The following KSR2 variants were observed in gnomAD, a reference collection of about 807,000 sequenced individuals.
KSR2 encodes kinase suppressor of ras 2.
A neutral mutation model predicts 107.8 loss-of-function variants in KSR2; 25 were observed. The observed-to-expected ratio is 0.23, with a 90% CI of 0.17 to 0.32. The LOEUF is 0.32. KSR2 is among the 10% of genes least tolerant of loss of function. KSR2 has a pLI of 1.00. For missense variants in KSR2, 887 were observed against 1,268.9 expected (o/e 0.70, Z 4.57); for synonymous variants, 480 against 507.0 (o/e 0.95, Z 0.71).
At chr12:117,855,383 T>G (rs777946600) in intron 3 of KSR2, 45 bp downstream of exon 3, 1 of 1,612,162 alleles carries the variant, frequency 6.2e-7, no homozygotes, top group African/African-American at 1.3e-5. Flanking sequence ...GCGGCAGCTG[T>G]GCTGGGGACA....
chr12:117,501,005 C>T (rs902831563), intron 14 of KSR2, among the ~76,000 whole-genome samples: 1 of 152,206 alleles, frequency 6.6e-6, no homozygotes, highest in Non-Finnish European at 1.5e-5. Context: ...TAGAATCAGG[C>T]TTCTGAGGTG....
intron 16 of KSR2, among the ~76,000 whole-genome samples, chr12:117,484,051 T>A (rs1872321218): frequency 6.6e-6 from 1 of 152,236 alleles, no homozygotes; most frequent in Non-Finnish European, 1.5e-5. Context: ...TGTACTAAAA[T>A]CACTTAATTC....
chr12:117,794,974 C>T (rs908156507), intron 3 of KSR2, among the ~76,000 whole-genome samples: 2 of 152,184 alleles, frequency 1.3e-5, no homozygotes, highest in African/African-American at 4.8e-5. Context: ...TAATGGTTTT[C>T]CCCAAGCTGC....
intron 1 of KSR2, among the ~76,000 whole-genome samples, chr12:117,863,937 G>A (rs117884002): frequency 6.6e-6 from 1 of 151,898 alleles, no homozygotes; most frequent in East Asian, 1.9e-4. Context: ...AATGATCTGG[G>A]GCCCACCCAG....
intron 3 of KSR2, among the ~76,000 whole-genome samples, chr12:117,779,857 G>C (rs901486065): frequency 3.9e-5 from 6 of 152,034 alleles, no homozygotes; most frequent in Non-Finnish European, 5.9e-5. Context: ...TCTTTATAGT[G>C]GTGTGAAAAC....
At chr12:117,794,675 ACT>A (rs766020695) in intron 3 of KSR2, among the ~76,000 whole-genome samples, 5 of 148,570 alleles carry the variant, frequency 3.4e-5, no homozygotes, top group African/African-American at 7.7e-5. Context: ...ATATGCACAC[ACT>A]CATACCAACA....
intron 1 of KSR2, among the ~76,000 whole-genome samples, chr12:117,903,396 T>A (rs899176530): frequency 6.6e-6 from 1 of 152,238 alleles, no homozygotes; most frequent in African/African-American, 2.4e-5. Flanking sequence ...ATAGAGGATG[T>A]CCACTTAAAT....
intron 4 of KSR2, among the ~76,000 whole-genome samples, chr12:117,749,682 T>C (rs1452644667): frequency 6.6e-6 from 1 of 152,220 alleles, no homozygotes; most frequent in African/African-American, 2.4e-5. Flanking sequence ...TCATTAGTGC[T>C]GTCTGTATAA....
intron 7 of KSR2, among the ~76,000 whole-genome samples, chr12:117,566,575 T>C (rs570367964): frequency 6.6e-6 from 1 of 152,192 alleles, no homozygotes; most frequent in Non-Finnish European, 1.5e-5. Flanking sequence ...CTCGTTCTTT[T>C]GTATGGCTGC....
chr12:117,489,523 G>A (rs1288763581), intron 14 of KSR2, among the ~76,000 whole-genome samples: 1 of 149,104 alleles, frequency 6.7e-6, no homozygotes, highest in African/African-American at 2.5e-5. Flanking sequence ...ATCCAGCCTG[G>A]GTGACACAGA....
chr12:117,738,986 G>A (rs554348885), intron 4 of KSR2, among the ~76,000 whole-genome samples: 1 of 152,274 alleles, frequency 6.6e-6, no homozygotes, highest in South Asian at 2.1e-4. Context: ...TGAATATGAA[G>A]GCCCATGATG....
chr12:117,645,443 C>T (rs952308432), intron 5 of KSR2, among the ~76,000 whole-genome samples: 5 of 152,090 alleles, frequency 3.3e-5, no homozygotes, highest in African/African-American at 1.2e-4. Context: ...GATAACAATC[C>T]CCACTCCTCT....
intron 1 of KSR2, among the ~76,000 whole-genome samples, chr12:117,880,688 T>C (rs1039380763): frequency 6.6e-6 from 1 of 151,476 alleles, no homozygotes; most frequent in African/African-American, 2.4e-5. Context: ...CCTCATATTA[T>C]TTTATGACAG....
intron 1 of KSR2, among the ~76,000 whole-genome samples, chr12:117,880,215 A>T (rs1477951371): frequency 6.6e-6 from 1 of 152,252 alleles, no homozygotes; most frequent in Admixed American, 6.5e-5. Flanking sequence ...CATAGGAATA[A>T]ATAGAATGAA....
intron 4 of KSR2, among the ~76,000 whole-genome samples, chr12:117,718,143 T>C (rs1565977468): frequency 6.6e-6 from 1 of 152,206 alleles, no homozygotes; most frequent in Non-Finnish European, 1.5e-5. Context: ...CATTCGAAAA[T>C]TACTTTTATG....
intron 4 of KSR2, among the ~76,000 whole-genome samples, chr12:117,728,049 A>G (rs948214771): frequency 9.2e-5 from 14 of 152,232 alleles, no homozygotes; most frequent in African/African-American, 3.4e-4. Context: ...GGTTGCCTTC[A>G]GGGTGGGGCA....
chr12:117,911,157 T>TTC (rs113047651), intron 1 of KSR2, among the ~76,000 whole-genome samples: 33,202 of 143,858 alleles, frequency 0.23, 4,454 homozygotes, highest in East Asian at 0.58. Flanking sequence ...CACACATTCT[T>TTC]TCTCTCTCTC....
chr12:117,951,082 G>T (rs1896351774), intron 1 of KSR2, among the ~76,000 whole-genome samples: 1 of 151,854 alleles, frequency 6.6e-6, no homozygotes, highest in Non-Finnish European at 1.5e-5. Context: ...TAATTTTTTT[G>T]TATTTTTAGT....
chr12:117,939,592 A>G (rs1267918012), intron 1 of KSR2, among the ~76,000 whole-genome samples: 2 of 152,018 alleles, frequency 1.3e-5, no homozygotes, highest in Admixed American at 1.3e-4. Context: ...GACGCCTGTA[A>G]TCTCACCTAC....
Sources: allele counts gnomAD v4.1 joint callset (sites outside exome capture counted in the v4.1 genomes callset), GRCh38; gene constraint gnomAD v4.1.1; transcripts MANE v1.5; gene names NCBI Gene and HGNC (gene_info 2026-07-23, HGNC 2026-07-21).